Variants in FAM168A observed in about 807,000 individuals in gnomAD.
FAM168A encodes the protein family with sequence similarity 168 member A.
FAM168A carries 3 observed loss-of-function variants against 28.5 expected under a neutral mutation model. That is an observed-to-expected ratio of 0.11 (90% confidence interval 0.05 to 0.27). The LOEUF is 0.27. Among genes scored for constraint, FAM168A ranks in the 10% least tolerant of loss-of-function variants. FAM168A has a pLI of 1.00. For missense variants in FAM168A, 222 were observed against 311.5 expected (o/e 0.71, Z 2.16); for synonymous variants, 122 against 124.2 (o/e 0.98, Z 0.12).
At chr11:73,446,426 G>A (rs1245564521) in intron 2 of FAM168A, among the ~76,000 whole-genome samples, 1 of 152,102 alleles carries the variant, frequency 6.6e-6, no homozygotes, top group Non-Finnish European at 1.5e-5. Context: ...ATACTGTTTA[G>A]AAATGCCCAA....
At chr11:73,454,026 G>A (rs1358998949) in intron 2 of FAM168A, among the ~76,000 whole-genome samples, 2 of 152,210 alleles carry the variant, frequency 1.3e-5, no homozygotes, top group Non-Finnish European at 2.9e-5. Context: ...GGCTTTCATG[G>A]TCTATTGAGC....
chr11:73,455,264 CAG>C (rs1867508767), intron 2 of FAM168A, among the ~76,000 whole-genome samples: 1 of 152,200 alleles, frequency 6.6e-6, no homozygotes, highest in Non-Finnish European at 1.5e-5. Flanking sequence ...GCTGAGTAAG[CAG>C]AGTTTGTTCC....
intron 1 of FAM168A, among the ~76,000 whole-genome samples, chr11:73,480,444 C>T (rs1391513827): frequency 6.6e-6 from 1 of 151,616 alleles, no homozygotes; most frequent in East Asian, 1.9e-4. Context: ...CTAAAGAACC[C>T]AACTATTCAT....
intron 1 of FAM168A, among the ~76,000 whole-genome samples, chr11:73,561,984 C>T (rs181502401): frequency 6.6e-6 from 1 of 152,122 alleles, no homozygotes; most frequent in East Asian, 1.9e-4. Context: ...ACTCTGTAGC[C>T]CAGGCTGGAG....
intron 1 of FAM168A, among the ~76,000 whole-genome samples, chr11:73,514,777 G>A (rs1943278057): frequency 6.6e-6 from 1 of 152,140 alleles, no homozygotes; most frequent in Non-Finnish European, 1.5e-5. Flanking sequence ...AGGCTACAGT[G>A]AGCCATGATT....
intron 1 of FAM168A, among the ~76,000 whole-genome samples, chr11:73,505,953 T>C (rs566093355): frequency 1.1e-4 from 16 of 152,110 alleles, no homozygotes; most frequent in Non-Finnish European, 2.2e-4. Flanking sequence ...GAACTGAGAT[T>C]TATAAATTCA....
chr11:73,568,835 C>T (rs1944052902), intron 1 of FAM168A, among the ~76,000 whole-genome samples: 1 of 152,086 alleles, frequency 6.6e-6, no homozygotes, highest in South Asian at 2.1e-4. Context: ...GCGGAGGTTG[C>T]AGTGCACCAA....
intron 1 of FAM168A, among the ~76,000 whole-genome samples, chr11:73,594,165 G>A (rs1007044441): frequency 2.6e-5 from 4 of 152,062 alleles, no homozygotes; most frequent in African/African-American, 7.2e-5. Context: ...AGGGAAGCAC[G>A]ATCATGGCTC....
At position 73,422,946 on chromosome 11, in the gene FAM168A, C is replaced by T. The variant is rs558808769; in HGVS notation, c.152-2947G>A. On this transcript the variant is annotated intron_variant, in intron 3 of 7. Coordinates refer to ENST00000356467, the MANE Select transcript of FAM168A (RefSeq NM_015159.3). ...TCTGTTTAGCACACTTACAAGGAGA[C>T]GAGGCAGCAAGGGACCATCATCCTG... 6.6e-5 allele frequency among the ~76,000 whole-genome samples: 10 copies of T among 152,272 alleles called. No individual in the cohort carries two copies. In the East Asian group the frequency reaches 1.7e-3, roughly 26 times the overall value.
chr11:73,587,953 T>C (rs1000725352), intron 1 of FAM168A, among the ~76,000 whole-genome samples: 1 of 152,138 alleles, frequency 6.6e-6, no homozygotes, highest in East Asian at 1.9e-4. Context: ...TTTCACCATG[T>C]TAGCCAGGCT....
chr11:73,580,108 T>C (rs1944225561), intron 1 of FAM168A: 1 of 338,494 alleles, frequency 3.0e-6, no homozygotes, highest in Non-Finnish European at 5.8e-6. Context: ...TGCTACAATC[T>C]GTCAAAATAT....
chr11:73,538,788 C>A (rs1221460094), intron 1 of FAM168A, among the ~76,000 whole-genome samples: 1 of 152,162 alleles, frequency 6.6e-6, no homozygotes, highest in Non-Finnish European at 1.5e-5. Context: ...ATTGTCATGG[C>A]TTGCCCTCTA....
intron 1 of FAM168A, among the ~76,000 whole-genome samples, chr11:73,487,666 A>T (rs1033275907): frequency 6.6e-6 from 1 of 151,982 alleles, no homozygotes; most frequent in African/African-American, 2.4e-5. Context: ...ACCCAACCTC[A>T]GCCTCTCATT....
chr11:73,451,250 T>C (rs1388100456), intron 2 of FAM168A, among the ~76,000 whole-genome samples: 1 of 152,172 alleles, frequency 6.6e-6, no homozygotes, highest in Admixed American at 6.5e-5. Flanking sequence ...ATAATGTAAT[T>C]TTCTGTGTGA....
intron 1 of FAM168A, among the ~76,000 whole-genome samples, chr11:73,514,531 T>C (rs1165301942): frequency 6.6e-6 from 1 of 152,170 alleles, no homozygotes; most frequent in Non-Finnish European, 1.5e-5. Context: ...ACTTTATTTG[T>C]ATGTCCAAAA....
intron 1 of FAM168A, among the ~76,000 whole-genome samples, chr11:73,592,089 C>G (rs1179137301): frequency 6.6e-6 from 1 of 152,192 alleles, no homozygotes; most frequent in Admixed American, 6.5e-5. Flanking sequence ...GAAGGCAAAT[C>G]AAGATCATAA....
At chr11:73,428,549 C>T (rs980070244) in intron 3 of FAM168A, among the ~76,000 whole-genome samples, 1 of 152,176 alleles carries the variant, frequency 6.6e-6, no homozygotes, top group African/African-American at 2.4e-5. Flanking sequence ...TTTGCAACAA[C>T]TCATTTTGTT....
intron 4 of FAM168A, among the ~76,000 whole-genome samples, chr11:73,417,549 A>G (rs1590758313): frequency 1.4e-5 from 2 of 146,318 alleles, no homozygotes; most frequent in Admixed American, 6.8e-5. Flanking sequence ...TGGCTGACAT[A>G]CCTCTCTCTC....
At chr11:73,420,418 G>A (rs1447854363) in intron 3 of FAM168A, among the ~76,000 whole-genome samples, 1 of 152,162 alleles carries the variant, frequency 6.6e-6, no homozygotes, top group Admixed American at 6.5e-5. Context: ...ATCATCTGGA[G>A]GTATATTTAT....
Sources: allele counts gnomAD v4.1 joint callset (sites outside exome capture counted in the v4.1 genomes callset), GRCh38; gene constraint gnomAD v4.1.1; transcripts MANE v1.5; gene names NCBI Gene and HGNC (gene_info 2026-07-23, HGNC 2026-07-21).